RIT1: variants seen among roughly 807,000 people sequenced by gnomAD.
RIT1 encodes GTP-binding protein Rit1.
In RIT1, 6 loss-of-function variants were observed where a neutral mutation model predicts 25.6. The observed-to-expected ratio is 0.23, with a 90% confidence interval of 0.13 to 0.46. RIT1 has a LOEUF of 0.46. Ranked by LOEUF, RIT1 falls within the 20% of genes least tolerant of loss-of-function variation. The pLI is 0.99. For missense variants in RIT1, 219 were observed against 284.4 expected (o/e 0.77, Z 1.65); for synonymous variants, 81 against 94.1 (o/e 0.86, Z 0.80).
At chr1:155,908,863 T>C (rs1673514315) in intron 3 of RIT1, among the ~76,000 whole-genome samples, 1 of 151,856 alleles carries the variant, frequency 6.6e-6, no homozygotes, top group Non-Finnish European at 1.5e-5. Context: ...GCGCCTGGCC[T>C]GAATCTCTGA....
chr1:155,909,692 T>C (rs1051390834), intron 3 of RIT1, among the ~76,000 whole-genome samples: 5 of 151,844 alleles, frequency 3.3e-5, no homozygotes, highest in African/African-American at 1.2e-4. Flanking sequence ...GAGGCTGAGG[T>C]GGATGGATTA....
rs575858185 is a variant in RIT1, at chr1:155,898,032, G to C, written c.*2356C>G. ...TCTGGTATGGACATGAACAGTTCCA[G>C]TGCCTTTCAACTTATCCCTGAATTT... On this transcript the variant is annotated 3_prime_UTR_variant, in exon 6 of 6. Transcript: ENST00000368323. 1 of 152,358 alleles carries C rather than the reference G, an allele frequency of 6.6e-6. No homozygotes were observed. The highest frequency in any genetic ancestry group is 2.1e-4 in the South Asian group (1 of 4,816). 9.4% of individuals were successfully genotyped at this position (152,358 alleles called of 1,614,324 possible). A position where few individuals can be genotyped will look rare whatever the true frequency, so the allele number is the denominator to read the frequency against.
chr1:155,904,134 C>T (rs1381453018), intron 5 of RIT1, among the ~76,000 whole-genome samples, 177 bp downstream of exon 5: 1 of 152,152 alleles, frequency 6.6e-6, no homozygotes, highest in African/African-American at 2.4e-5. Context: ...AAACTCCTGA[C>T]CTTAAGCAAC....
chr1:155,904,777 A>G lies in RIT1; in HGVS notation c.191T>C (p.Ile64Thr). 1 of 1,612,334 alleles carries G rather than the reference A, an allele frequency of 6.2e-7. No individual in the cohort carries two copies. The highest frequency in any genetic ancestry group is 8.5e-7 in the Non-Finnish European group (1 of 1,178,396). ...GTCCAGATTGGCAGGCTCATCATCA[A>G]TACGGATCCTGATCTTATAAGCATC... ...IEDAYKIRIR[I>T]DDEPANLDIL... The change falls in exon 4 of 6, where the codon ATT (isoleucine) becomes ACT (threonine). Residue 64 changes from isoleucine to threonine, a missense_variant. Coordinates refer to ENST00000368323, the MANE Select transcript of RIT1 (RefSeq NM_006912.6).
rs1185965337 is a variant in RIT1 at position 155,904,483 on chromosome 1, C to T, written c.257G>A (p.Arg86Gln). The change falls in exon 5 of 6, where the codon CGG (arginine) becomes CAG (glutamine). Residue 86 changes from arginine (R) to glutamine (Q), a missense_variant. Around this residue, in one of 3 missense-constraint regions of RIT1, gnomAD observed 131 missense variants for 173.6 expected, o/e 0.75. Transcript: ENST00000368323. ...TTCTCCTGCCCTCATATACTGGTCC[C>T]GCATGGCTGTAAACTCTGCCTAGAG... ...TAGQAEFTAMRDQYMRAGEGF... is the reference protein window; with the variant it reads ...TAGQAEFTAMQDQYMRAGEGF... 13 of 1,613,628 alleles carry T rather than the reference C, an allele frequency of 8.1e-6. No homozygotes were observed. Among genetic ancestry groups the T allele is most frequent in the South Asian group, 1.1e-5 (1 of 91,054 alleles).
chr1:155,911,237 C>A lies in RIT1; in HGVS notation c.-44+6G>T. On this transcript the variant is annotated splice_donor_region_variant and intron_variant, in intron 1 of 5. Coordinates refer to ENST00000368323, the MANE Select transcript of RIT1 (RefSeq NM_006912.6). ...TGCTCCGCCGCCAGACTCCCCACCCCTCTACCTCACAAGCCGACGCCCTGC... is the reference window on the plus strand; with the variant it reads ...TGCTCCGCCGCCAGACTCCCCACCCATCTACCTCACAAGCCGACGCCCTGC... 2.6e-6 allele frequency: 1 copy of A among 389,850 alleles called. No individual in the cohort carries two copies. The highest frequency in any genetic ancestry group is 4.7e-6 in the Non-Finnish European group (1 of 212,392). The allele number at this position is 389,850 out of a possible 1,614,324, so 24.1% of individuals were successfully genotyped here. A position where few individuals can be genotyped will look rare whatever the true frequency, so the allele number is the denominator to read the frequency against.
intron 3 of RIT1, among the ~76,000 whole-genome samples, chr1:155,906,780 A>G (rs1285186315): frequency 2.6e-4 from 3 of 11,562 alleles, no homozygotes; most frequent in African/African-American, 3.2e-4. Flanking sequence ...AAAAAAAAAA[A>G]AAAAGAAAAA....
Position 155,900,269 on chromosome 1 carries a change from G to C in RIT1, c.*119C>G. 1 of 710,514 alleles carries C rather than the reference G, an allele frequency of 1.4e-6. No individual in the cohort carries two copies. The highest frequency in any genetic ancestry group is 2.5e-5 in the East Asian group (1 of 40,490). The allele number at this position is 710,514 out of a possible 1,614,324, so 44.0% of individuals were successfully genotyped here. A position where few individuals can be genotyped will look rare whatever the true frequency, so the allele number is the denominator to read the frequency against. On this transcript the variant is annotated 3_prime_UTR_variant, in exon 6 of 6. Transcript: ENST00000368323. ...AATACCACATCATTAAAAACTCCTA[G>C]TAGGCATGTCCCTCTTATCAGTTAA...
Position 155,898,519 on chromosome 1 carries a change from A to AAATT in RIT1, c.*1868_*1869insAATT, listed in dbSNP as rs1673238757. On this transcript the variant is annotated 3_prime_UTR_variant, in exon 6 of 6. Coordinates refer to ENST00000368323, the MANE Select transcript of RIT1 (RefSeq NM_006912.6). The stretch of plus-strand genomic sequence containing the variant: ...AAAAAAAAAAAAAAAAAAAAAAAAA[A>AAATT]TATATATATATATATATATATATAT... 1 of 80,864 alleles carries AAATT rather than the reference A, an allele frequency of 1.2e-5. No homozygotes were observed. Among genetic ancestry groups the AAATT allele is most frequent in the African/African-American group, 5.1e-5 (1 of 19,676 alleles). The allele number at this position is 80,864 out of a possible 1,614,324, so 5.0% of individuals were successfully genotyped here. A position where few individuals can be genotyped will look rare whatever the true frequency, so the allele number is the denominator to read the frequency against.
intron 3 of RIT1, among the ~76,000 whole-genome samples, chr1:155,906,472 A>T (rs1165555601): frequency 6.6e-6 from 1 of 151,578 alleles, no homozygotes; most frequent in African/African-American, 2.4e-5. Flanking sequence ...AAAAATAGAA[A>T]ATACCAGGCC....
chr1:155,908,461 A>T (rs1046118237), intron 3 of RIT1, among the ~76,000 whole-genome samples: 8 of 152,132 alleles, frequency 5.3e-5, no homozygotes, highest in Non-Finnish European at 1.0e-4. Flanking sequence ...TCTCAAAAAA[A>T]AAGAAAGGAA....
At chr1:155,903,434 C>T (rs1301035012) in intron 5 of RIT1, among the ~76,000 whole-genome samples, 2 of 108,538 alleles carry the variant, frequency 1.8e-5, no homozygotes, top group Non-Finnish European at 3.3e-5. Flanking sequence ...GCCAAGGCAA[C>T]AGAGTGAGAC....
rs753538357 is a variant in RIT1 at position 155,904,521 on chromosome 1, C to T, written c.238-19G>A. On this transcript the variant is annotated intron_variant, in intron 4 of 5. Transcript: ENST00000368323. Reference sequence around the variant, plus strand: ...ACTCTGCCTAGAGGGAAACAAGGGTCATTATGTATTGACGCAATCTAGCCC... The same window carrying T: ...ACTCTGCCTAGAGGGAAACAAGGGTTATTATGTATTGACGCAATCTAGCCC... 3.1e-6 allele frequency: 5 copies of T among 1,601,584 alleles called. No individual in the cohort carries two copies. The highest frequency in any genetic ancestry group is 4.3e-6 in the Non-Finnish European group (5 of 1,170,166).
At position 155,904,490 on chromosome 1, in the gene RIT1, C is replaced by T; in HGVS notation, c.250G>A (p.Ala84Thr). The T allele has an allele frequency of 6.2e-7, 1 of 1,612,578 alleles. No individual in the cohort carries two copies. The highest frequency in any genetic ancestry group is 8.5e-7 in the Non-Finnish European group (1 of 1,178,726). Residue 84 changes from alanine (A) to threonine (T), a missense_variant, in exon 5 of 6, where the codon GCC becomes ACC. Ala to Thr is a moderately conservative substitution (Grantham distance 58). This residue lies in a region of RIT1 where 131 missense variants were observed against 173.6 expected (regional missense o/e 0.75). Transcript: ENST00000368323. Reference protein sequence around the residue: ...LDTAGQAEFTAMRDQYMRAGE... With the variant: ...LDTAGQAEFTTMRDQYMRAGE... Reference sequence around the variant, plus strand: ...GCCCTCATATACTGGTCCCGCATGGCTGTAAACTCTGCCTAGAGGGAAACA... The same window carrying T: ...GCCCTCATATACTGGTCCCGCATGGTTGTAAACTCTGCCTAGAGGGAAACA...
intron 3 of RIT1, chr1:155,910,177 T>A (rs1048514594): frequency 8.4e-6 from 3 of 357,582 alleles, no homozygotes; most frequent in Non-Finnish European, 1.5e-5. Flanking sequence ...AAGGCTTCGT[T>A]AAGTGGCCTG....
intron 3 of RIT1, 135 bp from the exon 4 acceptor site, chr1:155,904,939 T>C: frequency 1.6e-6 from 1 of 624,284 alleles, no homozygotes; most frequent in Non-Finnish European, 2.9e-6. Context: ...GCATGCTAAA[T>C]CCACTGAGAT....
chr1:155,908,089 AAAAAAAAAAAAC>A (rs1304495364), intron 3 of RIT1, among the ~76,000 whole-genome samples: 1 of 136,232 alleles, frequency 7.3e-6, no homozygotes, highest in Non-Finnish European at 1.6e-5. Context: ...GACTCCATCT[AAAAAAAAAAAAC>A]AAAAAAAAAA....
At chr1:155,901,153 A>G (rs891926012) in intron 5 of RIT1, among the ~76,000 whole-genome samples, 1 of 152,168 alleles carries the variant, frequency 6.6e-6, no homozygotes, top group Admixed American at 6.5e-5. Flanking sequence ...AACAGGGAAT[A>G]GTTTTAGATA....
chr1:155,907,014 G>A (rs976496536), intron 3 of RIT1, among the ~76,000 whole-genome samples: 2 of 151,576 alleles, frequency 1.3e-5, no homozygotes, highest in Non-Finnish European at 2.9e-5. Flanking sequence ...AGGGTGAGGC[G>A]GGAGGATCAC....
Sources: allele counts gnomAD v4.1 joint callset (sites outside exome capture counted in the v4.1 genomes callset), GRCh38; gene constraint gnomAD v4.1.1; regional missense constraint gnomAD v4.1.1; transcripts MANE v1.5; gene names NCBI Gene and HGNC (gene_info 2026-07-23, HGNC 2026-07-21).